The following CBL variants were observed in gnomAD, a reference collection of about 807,000 sequenced individuals.
CBL encodes Cbl proto-oncogene, also known as E3 ubiquitin-protein ligase CBL.
A neutral mutation model predicts 96.9 loss-of-function variants in CBL; 45 were observed. The ratio of observed to expected loss-of-function variants is 0.46; its 90% CI spans 0.37 to 0.60. The LOEUF (loss-of-function observed/expected upper bound fraction) is 0.60, where lower values mean the gene tolerates loss of function less well. Among genes scored for constraint, CBL ranks in the 20% least tolerant of loss-of-function variants. CBL has a pLI of 0.00. For missense variants in CBL, 1,024 were observed against 1,143.5 expected, an observed-to-expected ratio of 0.90 and a Z score of 1.51; for synonymous variants, 420 against 426.8, an observed-to-expected ratio of 0.98 and a Z score of 0.20.
intron 1 of CBL, among the ~76,000 whole-genome samples, chr11:119,209,211 A>T (rs1389602153): frequency 6.6e-6 from 1 of 151,984 alleles, no homozygotes; most frequent in Non-Finnish European, 1.5e-5. Flanking sequence ...TTTTCACTTT[A>T]TTTTTATTGT....
At chr11:119,252,728 A>C (rs1014932775) in intron 2 of CBL, among the ~76,000 whole-genome samples, 1 of 151,660 alleles carries the variant, frequency 6.6e-6, no homozygotes, top group African/African-American at 2.4e-5. Flanking sequence ...AAACAAAAAA[A>C]CTTAGCTGGG....
At chr11:119,282,660 G>C (rs1464180135) in intron 9 of CBL, among the ~76,000 whole-genome samples, 1 of 152,188 alleles carries the variant, frequency 6.6e-6, no homozygotes, top group Non-Finnish European at 1.5e-5. Context: ...GTGAGATTTT[G>C]TAACAGGGCA....
rs763196231 is a variant in CBL at position 119,260,480 on chromosome 11, C to T, written c.444-11255C>T. ...GCTGGTCGGCTCAGCTTCTTTATGC[C>T]TAAATTGTCTCATCTGTAAAATGGG... On this transcript the variant is annotated intron_variant, in intron 2 of 15. Transcript: ENST00000264033. Among the ~76,000 whole-genome samples, 5 of 151,790 alleles carry T rather than the reference C, an allele frequency of 3.3e-5. No individual in the cohort carries two copies. The East Asian group carries it at 5.8e-4, about 18-fold the overall frequency.
At chr11:119,277,947 G>T (rs2135303130) in intron 7 of CBL, 103 bp downstream of exon 7, 1 of 938,316 alleles carries the variant, frequency 1.1e-6, no homozygotes, top group Non-Finnish European at 1.7e-6. Flanking sequence ...CCATTGACTA[G>T]ATTAGTGAAT....
At chr11:119,285,629 C>T (rs1315567128) in intron 11 of CBL, 63 bp downstream of exon 11, 16 of 1,564,810 alleles carry the variant, frequency 1.0e-5, no homozygotes, top group South Asian at 3.4e-5. Flanking sequence ...GGCACAGTGG[C>T]TCATGTCTGT....
In CBL at chr11:119,278,190, A is replaced by C; in HGVS notation, c.1120A>C (p.Met374Leu). 1 of 1,607,756 alleles carries C rather than the reference A, an allele frequency of 6.2e-7. No individual in the cohort carries two copies. Among genetic ancestry groups the C allele is most frequent in the Non-Finnish European group, 8.5e-7 (1 of 1,174,214 alleles). ...TQEQYELYCE[M>L]GSTFQLCKIC... is the part of the protein sequence containing the mutation. ...GGAACAATATGAATTATACTGTGAG[A>C]TGGGCTCCACATTCCAACTATGTAA... The change falls in exon 8 of 16, where the codon ATG (methionine) becomes CTG (leucine). Residue 374 changes from methionine (M) to leucine (L), a missense_variant. Physicochemically the swap from Met to Leu is conservative, Grantham distance 15. Coordinates refer to ENST00000264033, the MANE Select transcript of CBL (RefSeq NM_005188.4).
chr11:119,218,894 ACAG>A (rs1949384512), intron 1 of CBL, among the ~76,000 whole-genome samples: 1 of 152,238 alleles, frequency 6.6e-6, no homozygotes, highest in Admixed American at 6.5e-5. Flanking sequence ...ACTAAGATGT[ACAG>A]TAAGAATGAA....
At chr11:119,209,008 C>T (rs1949296700) in intron 1 of CBL, among the ~76,000 whole-genome samples, 1 of 151,920 alleles carries the variant, frequency 6.6e-6, no homozygotes, top group Non-Finnish European at 1.5e-5. Flanking sequence ...TATTACTTGC[C>T]TCGGAAGTTG....
At position 119,304,161 on chromosome 11, in the gene CBL, C is replaced by T. The variant is rs1342945701; in HGVS notation, c.*4380C>T. 3 of 233,276 alleles carry T rather than the reference C, an allele frequency of 1.3e-5. No homozygotes were observed. Among genetic ancestry groups the T allele is most frequent in the Non-Finnish European group, 2.5e-5 (3 of 118,064 alleles). The allele number at this position is 233,276 out of a possible 1,614,324, so 14.5% of individuals were successfully genotyped here. A position where few individuals can be genotyped will look rare whatever the true frequency, so the allele number is the denominator to read the frequency against. On this transcript the variant is annotated 3_prime_UTR_variant, in exon 16 of 16. Transcript: ENST00000264033. ...GGGATTCTAAAGCTTAGTGTCCACA[C>T]ATCATTCTACCAGACCTTAGAGCTT...
intron 2 of CBL, among the ~76,000 whole-genome samples, chr11:119,233,845 C>G (rs1318477493): frequency 2.0e-5 from 3 of 152,158 alleles, no homozygotes; most frequent in Admixed American, 1.3e-4. Context: ...TTGTTGTCTA[C>G]CTTTCCTTTG....
At position 119,291,386 on chromosome 11, in the gene CBL, A is replaced by G. The variant is rs546036952; in HGVS notation, c.2036+3440A>G. On this transcript the variant is annotated intron_variant, in intron 12 of 15. Transcript: ENST00000264033. ...GGTTACAGAGCACGACCCTGTCTCA[A>G]AAAAATAAAATTGAAAAATAAATAG... Among the ~76,000 whole-genome samples, 22 of 152,338 alleles carry G rather than the reference A, an allele frequency of 1.4e-4. No homozygotes were observed. In the South Asian group the frequency reaches 4.6e-3, roughly 32 times the overall value.
At chr11:119,242,537 C>CAAAA (rs71048052) in intron 2 of CBL, among the ~76,000 whole-genome samples, 18 of 76,286 alleles carry the variant, frequency 2.4e-4, no homozygotes, top group South Asian at 5.1e-4. Flanking sequence ...GACTCCATCT[C>CAAAA]AAAAAAAAAA....
rs902664771 is a variant in CBL at position 119,301,601 on chromosome 11, T to C, written c.*1820T>C. 1 of 233,182 alleles carries C rather than the reference T, an allele frequency of 4.3e-6. No individual in the cohort carries two copies. 14.4% of individuals were successfully genotyped at this position (233,182 alleles called of 1,614,324 possible). ...CTCTTGGCATTCAGCTACTCCTAGA[T>C]CTTTTGGTTTTATCCCCTGGCCTCA... On this transcript the variant is annotated 3_prime_UTR_variant, in exon 16 of 16. Transcript: ENST00000264033.
intron 1 of CBL, among the ~76,000 whole-genome samples, chr11:119,218,277 C>T (rs916454116): frequency 2.0e-5 from 3 of 152,060 alleles, no homozygotes; most frequent in Admixed American, 6.6e-5. Context: ...GCTATAGAGT[C>T]ACTGGGGCTC....
At chr11:119,221,214 G>C (rs941287667) in intron 1 of CBL, among the ~76,000 whole-genome samples, 1 of 151,136 alleles carries the variant, frequency 6.6e-6, no homozygotes, top group African/African-American at 2.4e-5. Context: ...CTGCATTCCA[G>C]CCTGGGTGAC....
At chr11:119,212,982 G>GAA (rs960899322) in intron 1 of CBL, among the ~76,000 whole-genome samples, 5 of 121,346 alleles carry the variant, frequency 4.1e-5, no homozygotes, top group African/African-American at 1.3e-4. Flanking sequence ...CAAAAAAAAA[G>GAA]AAAAAAAAAA....
intron 1 of CBL, among the ~76,000 whole-genome samples, chr11:119,229,022 C>G (rs1345931603): frequency 6.6e-6 from 1 of 152,036 alleles, no homozygotes; most frequent in Non-Finnish European, 1.5e-5. Flanking sequence ...ACCATGTTGG[C>G]CAGTTGTCAC....
At chr11:119,258,620 A>G (rs190671773) in intron 2 of CBL, among the ~76,000 whole-genome samples, 1 of 152,220 alleles carries the variant, frequency 6.6e-6, no homozygotes, top group Admixed American at 6.5e-5. Flanking sequence ...GATCCAAACC[A>G]TTCAATTGAT....
At chr11:119,294,562 G>C (rs1036523701) in intron 12 of CBL, among the ~76,000 whole-genome samples, 55 of 152,134 alleles carry the variant, frequency 3.6e-4, no homozygotes, top group Non-Finnish European at 6.9e-4. Context: ...TGGGAGGCCA[G>C]GGCTGGCAGA....
Sources: gnomAD v4.1 joint callset for allele counts (sites outside exome capture counted in the v4.1 genomes callset) on GRCh38, gnomAD v4.1.1 for gene constraint, MANE v1.5 for transcripts, NCBI Gene and HGNC (gene_info 2026-07-23, HGNC 2026-07-21) for gene names.